ARHGEF10L: variants seen among roughly 807,000 people sequenced by gnomAD.
ARHGEF10L encodes Rho guanine nucleotide exchange factor 10 like, also known as rho guanine nucleotide exchange factor 10-like protein.
Under a neutral mutation model 141.2 loss-of-function variants are expected in ARHGEF10L, and 69 were observed. That is an observed-to-expected ratio of 0.49 (90% CI 0.40 to 0.60). ARHGEF10L has a LOEUF of 0.60. Among genes scored for constraint, ARHGEF10L ranks in the 20% least tolerant of loss-of-function variants. The probability of loss-of-function intolerance (pLI) is 0.00; values close to 1 mark genes in which losing one functional copy is unlikely to be tolerated. For synonymous variants in ARHGEF10L, 711 were observed against 718.5 expected (o/e 0.99, Z 0.17); for missense variants, 1,482 against 1,734.3 (o/e 0.85, Z 2.58).
chr1:17,536,647 G>A (rs530848720), upstream of ARHGEF10L, among the ~76,000 whole-genome samples: 16 of 152,216 alleles, frequency 1.1e-4, no homozygotes, highest in South Asian at 2.1e-3. Flanking sequence ...ACTCTTTCTC[G>A]CCAGAGTGGA....
chr1:17,618,643 A>C, intron 9 of ARHGEF10L: 3 of 717,024 alleles, frequency 4.2e-6, no homozygotes, highest in Non-Finnish European at 6.2e-6. Context: ...CGCTGGAGTC[A>C]GAGCCATTCA....
chr1:17,632,496 C>T, intron 16 of ARHGEF10L, 30 bp downstream of exon 16: 1 of 1,613,392 alleles, frequency 6.2e-7, no homozygotes, highest in Non-Finnish European at 8.5e-7. Flanking sequence ...AGGGGGCAAT[C>T]ACCCCTCCCT....
Position 17,607,840 on chromosome 1 carries a change from G to A in ARHGEF10L, c.472G>A (p.Ala158Thr), listed in dbSNP as rs774913499. 2.5e-6 allele frequency: 4 copies of A among 1,592,696 alleles called. No individual in the cohort carries two copies. The highest frequency in any genetic ancestry group is 2.6e-6 in the Non-Finnish European group (3 of 1,170,724). Residue 158 changes from alanine (A) to threonine (T), a missense_variant, in exon 7 of 29, where the codon GCT (alanine) becomes ACT (threonine). By Grantham distance (58) the Ala-to-Thr change is moderately conservative. Coordinates refer to ENST00000361221, the MANE Select transcript of ARHGEF10L (RefSeq NM_018125.4). This position sits in a 1 kb window ranked among gnomAD's most constrained non-coding sequence, Gnocchi z 4.5. ...RNLLYEDAHR[A>T]GAPRQAEDLG... Reference sequence around the variant, plus strand: ...CCTGCTCTACGAGGATGCGCACCGGGCTGGGGCCCCTCGGCAGGCGGAGGA... The same window carrying A: ...CCTGCTCTACGAGGATGCGCACCGGACTGGGGCCCCTCGGCAGGCGGAGGA...
At chr1:17,583,608 G>C (rs1421655877) in intron 2 of ARHGEF10L, among the ~76,000 whole-genome samples, 1 of 152,114 alleles carries the variant, frequency 6.6e-6, no homozygotes, top group Admixed American at 6.5e-5. Flanking sequence ...CATCCAGCTG[G>C]TACCTGGGTG....
chr1:17,626,507 GA>G (rs1330146753), intron 14 of ARHGEF10L, among the ~76,000 whole-genome samples: 1 of 152,140 alleles, frequency 6.6e-6, no homozygotes, highest in Non-Finnish European at 1.5e-5. Flanking sequence ...CCTCATCAGG[GA>G]GCTGAGAGGG....
chr1:17,664,313 T>G, intron 25 of ARHGEF10L, 134 bp from the exon 26 acceptor site: 1 of 1,003,534 alleles, frequency 1.0e-6, no homozygotes, highest in Non-Finnish European at 1.4e-6. Flanking sequence ...ACCCAGCTGA[T>G]GGAGAGAGAA....
intron 1 of ARHGEF10L, among the ~76,000 whole-genome samples, chr1:17,579,430 G>T (rs752390660): frequency 6.6e-6 from 1 of 152,180 alleles, no homozygotes; most frequent in Non-Finnish European, 1.5e-5. Context: ...GCCTGGGTTC[G>T]AACCCTGGCT....
rs1489791750 is a variant in ARHGEF10L, at chr1:17,693,732, C to T, written c.3185-1426C>T. Reference sequence around the variant, plus strand: ...CTTGTGTCAGATGAGAGCAGGTATACGAGTGCTTTGGAAACTCCAAAGCTG... The same window carrying T: ...CTTGTGTCAGATGAGAGCAGGTATATGAGTGCTTTGGAAACTCCAAAGCTG... On this transcript the variant is annotated intron_variant, in intron 27 of 28. Coordinates refer to ENST00000361221, the MANE Select transcript of ARHGEF10L (RefSeq NM_018125.4). Among the ~76,000 whole-genome samples, 60 of 152,126 alleles carry T rather than the reference C, an allele frequency of 3.9e-4. 1 individual carries two copies. The highest frequency in any genetic ancestry group is 4.4e-5 in the Non-Finnish European group (3 of 68,028).
chr1:17,556,190 A>G (rs1332869631), intron 1 of ARHGEF10L, among the ~76,000 whole-genome samples: 1 of 92,764 alleles, frequency 1.1e-5, no homozygotes, highest in African/African-American at 4.3e-5. Flanking sequence ...GGGAGCCCGG[A>G]GAGGGGCCTG....
At chr1:17,536,067 G>A (rs2076571646), upstream of ARHGEF10L, among the ~76,000 whole-genome samples, 1 of 152,236 alleles carries the variant, frequency 6.6e-6, no homozygotes, top group Admixed American at 6.5e-5. Context: ...TGTTTATGTT[G>A]ACAGCACTAA....
At position 17,697,700 on chromosome 1, in the gene ARHGEF10L, C is replaced by T; in HGVS notation, c.*320C>T. ...CCCTAGCGGGACTCCAAGGCAGCCA[C>T]ACGCCCCTCCTGGAAGGGTGTGTGC... On this transcript the variant is annotated 3_prime_UTR_variant, in exon 29 of 29. Transcript: ENST00000361221. This position sits in a 1 kb window ranked among gnomAD's most constrained non-coding sequence, Gnocchi z 4.8. 1.9e-6 allele frequency: 1 copy of T among 534,040 alleles called. No homozygotes were observed. The highest frequency in any genetic ancestry group is 3.6e-6 in the Non-Finnish European group (1 of 277,956). 33.1% of individuals were successfully genotyped at this position (534,040 alleles called of 1,614,324 possible).
rs947204345 is a variant in ARHGEF10L at position 17,558,131 on chromosome 1, A to G, written c.-44+18181A>G. On this transcript the variant is annotated intron_variant, in intron 1 of 28. Transcript: ENST00000361221. The surrounding 1 kb of genome is among the most constrained non-coding windows in gnomAD (Gnocchi z 4.2). ...CCATTGTCCATCCATCCATCCATTC[A>G]CTCATCCATTCATCCATTTATCCAT... Among the ~76,000 whole-genome samples the G allele has an allele frequency of 6.6e-6, 1 of 150,456 alleles. No individual in the cohort carries two copies. Among genetic ancestry groups the G allele is most frequent in the African/African-American group, 2.5e-5 (1 of 40,764 alleles).
chr1:17,621,993 C>A lies in ARHGEF10L; in HGVS notation c.1020+52C>A, dbSNP rs1158949446. The A allele has an allele frequency of 6.3e-7, 1 of 1,594,930 alleles. No homozygotes were observed. The highest frequency in any genetic ancestry group is 1.1e-5 in the South Asian group (1 of 90,640). On this transcript the variant is annotated intron_variant, in intron 11 of 28. Coordinates refer to ENST00000361221, the MANE Select transcript of ARHGEF10L (RefSeq NM_018125.4). The surrounding 1 kb of genome is among the most constrained non-coding windows in gnomAD (Gnocchi z 4.1). The stretch of plus-strand genomic sequence containing the variant: ...TCTCTGGGGAGAAGCAGGGAGGGCC[C>A]TGGAGGGTAACTTTATACGGAGTGT...
At chr1:17,570,575 G>C (rs2077954949) in intron 1 of ARHGEF10L, among the ~76,000 whole-genome samples, 1 of 152,128 alleles carries the variant, frequency 6.6e-6, no homozygotes, top group Non-Finnish European at 1.5e-5. Flanking sequence ...GGGCCTCAGA[G>C]ATCAAGATGA....
intron 1 of ARHGEF10L, among the ~76,000 whole-genome samples, chr1:17,565,237 C>T (rs2077702452): frequency 6.6e-6 from 1 of 152,310 alleles, no homozygotes; most frequent in Admixed American, 6.5e-5. Flanking sequence ...ACCTGATTAC[C>T]TCCCCAAAGC....
At chr1:17,608,257 G>A (rs960528995) in intron 7 of ARHGEF10L, among the ~76,000 whole-genome samples, 1 of 152,218 alleles carries the variant, frequency 6.6e-6, no homozygotes, top group African/African-American at 2.4e-5. Context: ...GGCAGACCTG[G>A]TCAATTGATC....
chr1:17,662,478 C>T (rs572143082), intron 25 of ARHGEF10L, among the ~76,000 whole-genome samples: 1 of 152,344 alleles, frequency 6.6e-6, no homozygotes, highest in Admixed American at 6.5e-5. Flanking sequence ...CTGCCTGCTT[C>T]CCTTGGTGCT....
intron 26 of ARHGEF10L, among the ~76,000 whole-genome samples, chr1:17,665,841 A>G (rs950419593): frequency 3.9e-5 from 6 of 152,188 alleles, no homozygotes; most frequent in African/African-American, 1.2e-4. Flanking sequence ...GTGAAGCCCC[A>G]GCATCTGTGG....
chr1:17,696,404 G>C (rs1016414199), intron 28 of ARHGEF10L, among the ~76,000 whole-genome samples: 1 of 152,110 alleles, frequency 6.6e-6, no homozygotes, highest in Non-Finnish European at 1.5e-5. Context: ...GGTCATCATA[G>C]CTCGGGTGAC....
Sources: gnomAD v4.1 joint callset for allele counts (sites outside exome capture counted in the v4.1 genomes callset) on GRCh38, gnomAD v4.1.1 for gene constraint, Gnocchi (gnomAD v3.1) non-coding constraint, MANE v1.5 for transcripts, NCBI Gene and HGNC (gene_info 2026-07-23, HGNC 2026-07-21) for gene names.